The following KATNBL1 variants were observed in gnomAD, a reference collection of about 807,000 sequenced individuals.
KATNBL1 encodes KATNB1-like protein 1.
A neutral mutation model predicts 44.7 loss-of-function variants in KATNBL1; 28 were observed. The ratio of observed to expected loss-of-function variants is 0.63; its 90% CI spans 0.46 to 0.86. KATNBL1 has a LOEUF of 0.86. Ranked by LOEUF, KATNBL1 falls within the 40% of genes least tolerant of loss-of-function variation. The pLI, the probability that KATNBL1 is intolerant of heterozygous loss-of-function variation, is 0.00. For missense variants in KATNBL1, 272 were observed against 350.7 expected, an observed-to-expected ratio of 0.78 and a Z score of 1.79; for synonymous variants, 78 against 114.9, an observed-to-expected ratio of 0.68 and a Z score of 2.06.
chr15:34,175,787 C>T lies in KATNBL1; in HGVS notation c.-14-12097G>A, dbSNP rs184065200. 2.8e-3 allele frequency among the ~76,000 whole-genome samples: 433 copies of T among 152,298 alleles called. 1 individual carries two copies. Among genetic ancestry groups the T allele is most frequent in the Non-Finnish European group, 4.5e-3 (308 of 68,020 alleles). ...ATGTATTTTCCAAATATTACTTGAA[C>T]CCGGGAGGCGGAGGTTGCAGTGAGC... On this transcript the variant is annotated intron_variant, in intron 1 of 9. Transcript: ENST00000256544.
chr15:34,183,381 C>T (rs1889621734), intron 1 of KATNBL1, among the ~76,000 whole-genome samples: 1 of 152,138 alleles, frequency 6.6e-6, no homozygotes, highest in Admixed American at 6.5e-5. Flanking sequence ...ACTTACTATG[C>T]AGGTAGGTAT....
At chr15:34,170,761 C>G (rs1012410274) in intron 1 of KATNBL1, among the ~76,000 whole-genome samples, 4 of 152,152 alleles carry the variant, frequency 2.6e-5, no homozygotes, top group African/African-American at 9.7e-5. Context: ...TGGAACAGAA[C>G]AGAGACCTCA....
chr15:34,205,662 A>C (rs759140960), intron 1 of KATNBL1, among the ~76,000 whole-genome samples: 47 of 152,154 alleles, frequency 3.1e-4, no homozygotes, highest in Non-Finnish European at 5.9e-4. Flanking sequence ...TTGCATTTTG[A>C]ATTCCTTCAA....
chr15:34,179,709 T>A (rs1889461841), intron 1 of KATNBL1, among the ~76,000 whole-genome samples: 1 of 152,190 alleles, frequency 6.6e-6, no homozygotes, highest in Admixed American at 6.5e-5. Context: ...GAGATATAGG[T>A]AAGATCTATC....
At chr15:34,175,532 C>T (rs1188631646) in intron 1 of KATNBL1, among the ~76,000 whole-genome samples, 1 of 152,150 alleles carries the variant, frequency 6.6e-6, no homozygotes, top group Non-Finnish European at 1.5e-5. Flanking sequence ...GAGGCTAAAA[C>T]AGTTTTCTAA....
chr15:34,151,689 C>T (rs1383800591), intron 4 of KATNBL1, among the ~76,000 whole-genome samples: 3 of 151,826 alleles, frequency 2.0e-5, no homozygotes, highest in Admixed American at 6.6e-5. Flanking sequence ...TGACCACCTG[C>T]CTTGGCCTCC....
intron 1 of KATNBL1, among the ~76,000 whole-genome samples, chr15:34,176,619 T>C (rs188982397): frequency 4.2e-4 from 64 of 152,322 alleles, no homozygotes; most frequent in African/African-American, 1.4e-3. Context: ...TCTATAATTA[T>C]ACTGGGGTTG....
At chr15:34,201,257 A>T (rs143520136) in intron 1 of KATNBL1, among the ~76,000 whole-genome samples, 22 of 152,362 alleles carry the variant, frequency 1.4e-4, no homozygotes, top group African/African-American at 5.3e-4. Flanking sequence ...AAAAAACATA[A>T]CTATGCCTTA....
intron 1 of KATNBL1, among the ~76,000 whole-genome samples, chr15:34,174,493 A>C (rs1889262941): frequency 1.3e-5 from 2 of 152,210 alleles, no homozygotes; most frequent in African/African-American, 2.4e-5. Flanking sequence ...TAACTGTATT[A>C]TATGTAAATG....
chr15:34,142,342 A>G lies in KATNBL1; in HGVS notation c.912T>C (p.His304=), dbSNP rs538041251. The G allele has an allele frequency of 6.3e-6, 10 of 1,597,458 alleles. No individual in the cohort carries two copies. Among genetic ancestry groups the G allele is most frequent in the Middle Eastern group, 1.9e-4 (1 of 5,268 alleles). Residue 304 remains histidine (H), a synonymous_variant, in exon 10 of 10, where the codon CAT becomes CAC. Transcript: ENST00000256544. ...KDVDAYLLQL[H] ...GCTCTTTAGTAGATGAAATCTCTCAATGTAACTGTAATAAATAAGCATCTA... is the reference window on the plus strand; with the variant it reads ...GCTCTTTAGTAGATGAAATCTCTCAGTGTAACTGTAATAAATAAGCATCTA...
chr15:34,196,414 T>A (rs1299332781), intron 1 of KATNBL1, among the ~76,000 whole-genome samples: 2 of 151,752 alleles, frequency 1.3e-5, no homozygotes, highest in African/African-American at 4.8e-5. Context: ...CGAGACTTTG[T>A]CTCAAAAATA....
chr15:34,159,596 GTTT>G (rs535345338), intron 2 of KATNBL1, among the ~76,000 whole-genome samples: 17 of 152,204 alleles, frequency 1.1e-4, no homozygotes, highest in African/African-American at 4.1e-4. Flanking sequence ...TTTCCCTAGG[GTTT>G]TTTAATTTTA....
At chr15:34,173,679 C>G (rs369770635) in intron 1 of KATNBL1, among the ~76,000 whole-genome samples, 1 of 151,958 alleles carries the variant, frequency 6.6e-6, no homozygotes, top group African/African-American at 2.4e-5. Context: ...TGGTATACAT[C>G]GGAGCACATA....
In KATNBL1 at chr15:34,151,435, A is replaced by ATTTTTTTTTTTTTTTTTTTT; in HGVS notation, c.438+1354_438+1355insAAAAAAAAAAAAAAAAAAAA. On this transcript the variant is annotated intron_variant, in intron 4 of 9. Transcript: ENST00000256544. ...AAAGTGTCTATTGTGTCCTTTGCCT[A>ATTTTTTTTTTTTTTTTTTTT]CTTTTTTTTTTTTTTTTTTTTTTTT... Among the ~76,000 whole-genome samples the ATTTTTTTTTTTTTTTTTTTT allele has an allele frequency of 4.7e-5, 3 of 63,828 alleles. 1 individual carries two copies. The highest frequency in any genetic ancestry group is 9.6e-5 in the Non-Finnish European group (3 of 31,220). The allele number at this position is 63,828 out of a possible 152,430, so 41.9% of individuals were successfully genotyped here. A position where few individuals can be genotyped will look rare whatever the true frequency, so the allele number is the denominator to read the frequency against.
At chr15:34,204,804 G>A (rs1890251166) in intron 1 of KATNBL1, among the ~76,000 whole-genome samples, 1 of 151,786 alleles carries the variant, frequency 6.6e-6, no homozygotes, top group South Asian at 2.1e-4. Context: ...CCACTGTAAG[G>A]GAAAAGAATA....
At chr15:34,205,547 A>C (rs1202403059) in intron 1 of KATNBL1, among the ~76,000 whole-genome samples, 4 of 152,196 alleles carry the variant, frequency 2.6e-5, no homozygotes, top group African/African-American at 9.7e-5. Context: ...CCAGGGCAGT[A>C]ATCGCTTAAT....
chr15:34,150,342 G>C (rs1003860677), intron 4 of KATNBL1, among the ~76,000 whole-genome samples: 2 of 152,208 alleles, frequency 1.3e-5, no homozygotes, highest in Non-Finnish European at 2.9e-5. Flanking sequence ...TGTAATCCCA[G>C]CACTTTGGGC....
At chr15:34,178,084 G>A (rs1889389840) in intron 1 of KATNBL1, 2 of 152,158 alleles carry the variant, frequency 1.3e-5, no homozygotes, top group Non-Finnish European at 1.5e-5. Flanking sequence ...GAGATGTCAA[G>A]TAACTAACCC....
At chr15:34,148,475 C>G (rs974608320) in intron 5 of KATNBL1, 157 bp downstream of exon 5, 1 of 528,150 alleles carries the variant, frequency 1.9e-6, no homozygotes, top group Non-Finnish European at 3.5e-6. Context: ...GTACTCTCAG[C>G]TACTCAGGAG....
Sources: allele counts gnomAD v4.1 joint callset (sites outside exome capture counted in the v4.1 genomes callset), GRCh38; gene constraint gnomAD v4.1.1; transcripts MANE v1.5; gene names NCBI Gene and HGNC (gene_info 2026-07-23, HGNC 2026-07-21).